The following RDX variants were observed in gnomAD, a reference collection of about 807,000 sequenced individuals.
RDX encodes the protein deafness, autosomal recessive 24.
In RDX, 32 loss-of-function variants were observed where a neutral mutation model predicts 83.7. The ratio of observed to expected loss-of-function variants is 0.38; its 90% CI spans 0.29 to 0.51. RDX has a LOEUF of 0.51. Ranked by LOEUF, RDX falls within the 20% of genes least tolerant of loss-of-function variation. RDX has a pLI of 0.87. For missense variants in RDX, 600 were observed against 689.9 expected, an observed-to-expected ratio of 0.87 and a Z score of 1.46; for synonymous variants, 229 against 222.7, an observed-to-expected ratio of 1.03 and a Z score of -0.25.
chr11:110,211,026 A>C (rs1863815307), intron 14 of RDX, among the ~76,000 whole-genome samples: 1 of 152,222 alleles, frequency 6.6e-6, no homozygotes, highest in Non-Finnish European at 1.5e-5. Context: ...TAAATGATCC[A>C]ATTAAAAGAC....
chr11:110,193,693 C>T (rs1591502102), intron 15 of RDX, among the ~76,000 whole-genome samples: 1 of 152,178 alleles, frequency 6.6e-6, no homozygotes, highest in East Asian at 1.9e-4. Context: ...AGTCCAAACA[C>T]CTCATTTTAC....
chr11:110,197,359 G>A (rs1247120784), intron 15 of RDX, among the ~76,000 whole-genome samples: 1 of 152,084 alleles, frequency 6.6e-6, no homozygotes, highest in Non-Finnish European at 1.5e-5. Flanking sequence ...CTTTCTCTTG[G>A]GTCAATAATT....
intron 1 of RDX, among the ~76,000 whole-genome samples, chr11:110,284,152 C>T (rs1860880820): frequency 6.6e-6 from 1 of 152,164 alleles, no homozygotes; most frequent in Non-Finnish European, 1.5e-5. Context: ...TAGGTATCAC[C>T]AGATATTGGC....
rs1864595083 is a variant in RDX, at chr11:110,230,610, A to ACACACACT, written c.*1258_*1259insAGTGTGTG. On this transcript the variant is annotated 3_prime_UTR_variant, in exon 14 of 14. Coordinates refer to ENST00000645495, the MANE Select transcript of RDX (RefSeq NM_002906.4). ...CACACACACACACACACACACACAC[A>ACACACACT]GTCTCTCTCTCATTCTCTCTCTCTC... 1 of 144,558 alleles carries ACACACACT rather than the reference A, an allele frequency of 6.9e-6. No individual in the cohort carries two copies. Among genetic ancestry groups the ACACACACT allele is most frequent in the African/African-American group, 2.5e-5 (1 of 39,216 alleles). 9.0% of individuals were successfully genotyped at this position (144,558 alleles called of 1,614,324 possible).
chr11:110,282,168 T>A (rs144577612), intron 1 of RDX, among the ~76,000 whole-genome samples: 14 of 152,280 alleles, frequency 9.2e-5, no homozygotes, highest in South Asian at 6.2e-4. Context: ...TAGAACAATT[T>A]TATTCAAATT....
intron 9 of RDX, among the ~76,000 whole-genome samples, chr11:110,249,837 G>GT (rs761211724): frequency 2.5e-4 from 38 of 152,146 alleles, no homozygotes; most frequent in Non-Finnish European, 1.9e-4. Flanking sequence ...TCGTGCCACT[G>GT]TGCCCCAGCC....
At chr11:110,175,961 T>C (rs1862764065) in intron 15 of RDX, among the ~76,000 whole-genome samples, 1 of 152,102 alleles carries the variant, frequency 6.6e-6, no homozygotes, top group Admixed American at 6.5e-5. Flanking sequence ...TCAACTTCAT[T>C]GCCTACATTG....
At chr11:110,276,597 T>C (rs1031793629) in intron 2 of RDX, among the ~76,000 whole-genome samples, 3 of 152,218 alleles carry the variant, frequency 2.0e-5, no homozygotes, top group African/African-American at 7.2e-5. Flanking sequence ...TTTATTAATA[T>C]AGACTCTATA....
At chr11:110,189,258 A>AAAAAAAAAAAG in intron 15 of RDX, among the ~76,000 whole-genome samples, 2 of 148,324 alleles carry the variant, frequency 1.3e-5, no homozygotes, top group Non-Finnish European at 3.0e-5. Flanking sequence ...AAAAAAAAAA[A>AAAAAAAAAAAG]AAAAAAAAAA....
intron 10 of RDX, chr11:110,237,866 G>A (rs1864926695): frequency 1.6e-6 from 1 of 616,794 alleles, no homozygotes; most frequent in Non-Finnish European, 3.0e-6. Flanking sequence ...CGAACTCATG[G>A]GCTCGAGCAA....
intron 9 of RDX, among the ~76,000 whole-genome samples, chr11:110,249,186 CACT>C (rs1240232283): frequency 2.6e-5 from 4 of 152,146 alleles, no homozygotes; most frequent in African/African-American, 9.7e-5. Flanking sequence ...ATATTCAAAT[CACT>C]ACTTTAATAA....
chr11:110,187,282 A>T (rs991900379), intron 15 of RDX, among the ~76,000 whole-genome samples: 1 of 152,080 alleles, frequency 6.6e-6, no homozygotes, highest in Non-Finnish European at 1.5e-5. Context: ...TTTGCTCCAC[A>T]CTCAGGGAGA....
intron 1 of RDX, among the ~76,000 whole-genome samples, chr11:110,295,657 A>C (rs1861422832): frequency 1.3e-5 from 2 of 151,276 alleles, no homozygotes; most frequent in East Asian, 1.9e-4. Flanking sequence ...AAAAAAAAAA[A>C]CAAAAATGCA....
At chr11:110,287,709 C>T (rs937762869) in intron 1 of RDX, among the ~76,000 whole-genome samples, 1 of 152,154 alleles carries the variant, frequency 6.6e-6, no homozygotes, top group African/African-American at 2.4e-5. Flanking sequence ...CTGTAGAATG[C>T]TCACTCTCCA....
Position 110,180,881 on chromosome 11 carries a change from G to A in RDX, c.*32-5647C>T, listed in dbSNP as rs985471639. ...AATCGGAGCTCCAGCCCCCCTCTTGGATGTGCCCCGTGTTATATTCCTCCA... is the reference window on the plus strand; with the variant it reads ...AATCGGAGCTCCAGCCCCCCTCTTGAATGTGCCCCGTGTTATATTCCTCCA... On this transcript the variant is annotated intron_variant, in intron 15 of 15. Coordinates refer to the RDX transcript ENST00000528498. Among the ~76,000 whole-genome samples, 25 of 151,822 alleles carry A rather than the reference G, an allele frequency of 1.6e-4. 1 individual carries two copies. The highest frequency in any genetic ancestry group is 4.2e-4 in the South Asian group (2 of 4,778).
rs111624655 is a variant in RDX, at chr11:110,262,403, G to A, written c.467+1557C>T. Among the ~76,000 whole-genome samples, 1,222 of 151,968 alleles carry A rather than the reference G, an allele frequency of 8.0e-3. 13 individuals carry two copies. Among genetic ancestry groups the A allele is most frequent in the African/African-American group, 0.027 (1,116 of 41,436 alleles). The stretch of plus-strand genomic sequence containing the variant: ...AGTTCGAGACCAGCCTGACCAACAC[G>A]GTGAAACTCCATCTCCACTAAAAAT... On this transcript the variant is annotated intron_variant, in intron 5 of 13. Transcript: ENST00000645495.
chr11:110,184,687 G>A (rs1266221670), intron 15 of RDX, among the ~76,000 whole-genome samples: 1 of 152,188 alleles, frequency 6.6e-6, no homozygotes, highest in Non-Finnish European at 1.5e-5. Flanking sequence ...CAGGTGGGAG[G>A]CGGGGTGTGC....
chr11:110,215,036 C>CCA (rs1863984891), intron 14 of RDX, among the ~76,000 whole-genome samples: 2 of 125,782 alleles, frequency 1.6e-5, no homozygotes, highest in Non-Finnish European at 3.3e-5. Context: ...GGAGACCTAA[C>CCA]AAAAAAAAAA....
intron 5 of RDX, 36 bp downstream of exon 5, chr11:110,263,924 T>A: frequency 6.3e-7 from 1 of 1,597,724 alleles, no homozygotes; most frequent in Non-Finnish European, 8.6e-7. Flanking sequence ...GAATACAATT[T>A]TCAGACAATA....
Sources: gnomAD v4.1 joint callset for allele counts (sites outside exome capture counted in the v4.1 genomes callset) on GRCh38, gnomAD v4.1.1 for gene constraint, MANE v1.5 for transcripts, NCBI Gene and HGNC (gene_info 2026-07-23, HGNC 2026-07-21) for gene names.